BMP1: variants seen among roughly 807,000 people sequenced by gnomAD.
BMP1 encodes mammalian tolloid protein.
In BMP1, 63 loss-of-function variants were observed where a neutral mutation model predicts 116.8. That is an observed-to-expected ratio of 0.54 (90% CI 0.44 to 0.67). The LOEUF is 0.67. Among genes scored for constraint, BMP1 ranks in the 30% least tolerant of loss-of-function variants. BMP1 has a pLI of 0.00. For synonymous variants in BMP1, 536 were observed against 533.4 expected, an observed-to-expected ratio of 1.00 and a Z score of -0.07; for missense variants, 1,183 against 1,358.9, an observed-to-expected ratio of 0.87 and a Z score of 2.04.
chr8:22,190,535 GC>G (rs961322981), intron 8 of BMP1, among the ~76,000 whole-genome samples: 2 of 152,222 alleles, frequency 1.3e-5, no homozygotes, highest in African/African-American at 2.4e-5. Flanking sequence ...TTTCGATGAA[GC>G]CGGCCTGCAC....
intron 16 of BMP1, among the ~76,000 whole-genome samples, chr8:22,204,168 C>T (rs902166865): frequency 2.7e-4 from 41 of 152,186 alleles, no homozygotes; most frequent in African/African-American, 9.9e-4. Flanking sequence ...ACACAGGGGG[C>T]GTGGAAGGCC....
At chr8:22,187,171 A>T (rs1828796301) in intron 8 of BMP1, among the ~76,000 whole-genome samples, 2 of 149,956 alleles carry the variant, frequency 1.3e-5, no homozygotes, top group African/African-American at 4.9e-5. Context: ...TTATATTTTT[A>T]ATAAAGATGG....
intron 8 of BMP1, among the ~76,000 whole-genome samples, chr8:22,183,908 A>T (rs1299547676): frequency 6.6e-6 from 1 of 152,160 alleles, no homozygotes. Flanking sequence ...TATGTCCAAC[A>T]TTATCGTACA....
At chr8:22,173,927 C>A (rs887053628) in intron 2 of BMP1, among the ~76,000 whole-genome samples, 6 of 152,228 alleles carry the variant, frequency 3.9e-5, no homozygotes, top group African/African-American at 1.4e-4. Flanking sequence ...AACTGACATT[C>A]TTTTTGTTTA....
At chr8:22,202,129 T>G (rs1169497493) in intron 16 of BMP1, among the ~76,000 whole-genome samples, 1 of 152,170 alleles carries the variant, frequency 6.6e-6, no homozygotes, top group Non-Finnish European at 1.5e-5. Context: ...TTGCCCACAT[T>G]AGGAGAGGAG....
intron 8 of BMP1, among the ~76,000 whole-genome samples, chr8:22,186,361 C>T (rs1303580189): frequency 1.3e-5 from 2 of 152,186 alleles, no homozygotes; most frequent in East Asian, 3.8e-4. Context: ...GAGGGTATAA[C>T]TTTAAGAGCC....
intron 8 of BMP1, among the ~76,000 whole-genome samples, chr8:22,190,272 A>G (rs2131874668): frequency 6.6e-6 from 1 of 152,334 alleles, no homozygotes; most frequent in South Asian, 2.1e-4. Context: ...ATATCACAGA[A>G]TACCACAATT....
At chr8:22,193,762 TGACAGAGCGA>T (rs1207450208) in intron 9 of BMP1, among the ~76,000 whole-genome samples, 1 of 152,188 alleles carries the variant, frequency 6.6e-6, no homozygotes, top group African/African-American at 2.4e-5. Context: ...CCAGCCTGGG[TGACAGAGCGA>T]GACTCCATCT....
intron 19 of BMP1, among the ~76,000 whole-genome samples, chr8:22,210,367 CTTTTTTTT>C (rs1198888155): frequency 8.4e-6 from 1 of 118,442 alleles, no homozygotes; most frequent in Non-Finnish European, 1.7e-5. Flanking sequence ...GCCTCTTCTT[CTTTTTTTT>C]TTTTTTTTTT....
intron 16 of BMP1, among the ~76,000 whole-genome samples, chr8:22,202,255 G>A (rs1039049878): frequency 3.3e-5 from 5 of 152,202 alleles, no homozygotes; most frequent in African/African-American, 1.2e-4. Context: ...AAGGATAGTG[G>A]GTAAGAGCAC....
At chr8:22,177,418 G>T in intron 5 of BMP1, 1 of 658,366 alleles carries the variant, frequency 1.5e-6, no homozygotes, top group African/African-American at 1.8e-5. Context: ...GTGGGGCATG[G>T]GCATAGTGGG....
Position 22,177,092 on chromosome 8 carries a change from C to G in BMP1, c.683C>G (p.Pro228Arg). 1 of 1,611,884 alleles carries G rather than the reference C, an allele frequency of 6.2e-7. No homozygotes were observed. Among genetic ancestry groups the G allele is most frequent in the Non-Finnish European group, 8.5e-7 (1 of 1,179,010 alleles). Residue 228 changes from proline to arginine, a missense_variant, in exon 5 of 20, where the codon CCA becomes CGA. Coordinates refer to ENST00000306385, the MANE Select transcript of BMP1 (RefSeq NM_006129.5). Reference sequence around the variant, plus strand: ...GGCTTCTGGCACGAACACACTCGGCCAGACCGGGACCGCCACGTTTCCATC... The same window carrying G: ...GGCTTCTGGCACGAACACACTCGGCGAGACCGGGACCGCCACGTTTCCATC... ...VVGFWHEHTR[P>R]DRDRHVSIVR...
chr8:22,204,902 G>A (rs1829325403), intron 16 of BMP1, among the ~76,000 whole-genome samples: 1 of 152,184 alleles, frequency 6.6e-6, no homozygotes, highest in African/African-American at 2.4e-5. Flanking sequence ...GAGGGGCCTG[G>A]GAGAGCTCTT....
intron 1 of BMP1, 21 bp downstream of exon 1, chr8:22,165,574 C>T (rs376619963): frequency 2.6e-6 from 4 of 1,566,280 alleles, no homozygotes; most frequent in East Asian, 2.5e-5. Flanking sequence ...CCCGGCCCCC[C>T]GGCGACGGGC....
chr8:22,176,202 G>T lies in BMP1; in HGVS notation c.322G>T (p.Ala108Ser). 3 of 1,614,190 alleles carry T rather than the reference G, an allele frequency of 1.9e-6. No homozygotes were observed. Among genetic ancestry groups the T allele is most frequent in the Non-Finnish European group, 2.5e-6 (3 of 1,180,042 alleles). ...QSTNGQPQRGACGRWRGRSRS... is the reference protein window; with the variant it reads ...QSTNGQPQRGSCGRWRGRSRS... Reference sequence around the variant, plus strand: ...CACCAACGGGCAGCCTCAGAGGGGAGCCTGTGGGAGATGGAGAGGTAGATC... The same window carrying T: ...CACCAACGGGCAGCCTCAGAGGGGATCCTGTGGGAGATGGAGAGGTAGATC... The change falls in exon 3 of 20, where the codon GCC becomes TCC. Residue 108 changes from alanine to serine, a missense_variant. By Grantham distance (99) the Ala-to-Ser change is moderately conservative. Transcript: ENST00000306385.
chr8:22,207,709 G>GT (rs1419801971), intron 18 of BMP1, among the ~76,000 whole-genome samples, 193 bp downstream of exon 18: 6 of 152,202 alleles, frequency 3.9e-5, no homozygotes, highest in African/African-American at 1.4e-4. Flanking sequence ...GTGGTTAGGG[G>GT]TTAGGATGGC....
At chr8:22,184,645 C>T (rs1311609174) in intron 8 of BMP1, among the ~76,000 whole-genome samples, 13 of 152,202 alleles carry the variant, frequency 8.5e-5, no homozygotes, top group East Asian at 3.8e-4. Flanking sequence ...TCAGGTACCA[C>T]GGAAAGCATT....
chr8:22,193,328 T>A (rs906152868), intron 9 of BMP1, among the ~76,000 whole-genome samples: 1 of 152,260 alleles, frequency 6.6e-6, no homozygotes, highest in African/African-American at 2.4e-5. Context: ...GAGGGCAGTT[T>A]GTAATGTGTA....
At chr8:22,207,160 T>C in intron 17 of BMP1, 143 bp from the exon 18 acceptor site, 2 of 1,375,676 alleles carry the variant, frequency 1.5e-6, no homozygotes, top group Non-Finnish European at 2.0e-6. Flanking sequence ...GCCTTCGCCC[T>C]ATTCCTGGGC....
Sources: allele counts gnomAD v4.1 joint callset (sites outside exome capture counted in the v4.1 genomes callset), GRCh38; gene constraint gnomAD v4.1.1; transcripts MANE v1.5; gene names NCBI Gene and HGNC (gene_info 2026-07-23, HGNC 2026-07-21).